The following AIFM2 variants were observed in gnomAD, a reference collection of about 807,000 sequenced individuals.
AIFM2 encodes the protein ferroptosis suppressor protein 1.
A neutral mutation model predicts 35.7 loss-of-function variants in AIFM2; 38 were observed. That is an observed-to-expected ratio of 1.06 (90% confidence interval 0.82 to 1.39). The LOEUF (loss-of-function observed/expected upper bound fraction) is 1.39. Among genes scored for constraint, AIFM2 ranks in the 40% most tolerant of loss-of-function variants. The probability of loss-of-function intolerance (pLI) is 0.00; values close to 1 mark genes in which losing one functional copy is unlikely to be tolerated. For synonymous variants in AIFM2, 185 were observed against 203.5 expected (o/e 0.91, Z 0.77); for missense variants, 476 against 491.2 (o/e 0.97, Z 0.29).
intron 3 of AIFM2, 141 bp downstream of exon 3, chr10:70,123,264 C>T: frequency 1.6e-6 from 1 of 636,482 alleles, no homozygotes; most frequent in Non-Finnish European, 2.6e-6. Flanking sequence ...GGTGATCCGC[C>T]CGCCTTGGCC....
At position 70,132,749 on chromosome 10, in the gene AIFM2, G is replaced by C. The variant is rs2072640847; in HGVS notation, c.-29C>G. ...GCGATCTCACCTGTCGGCCGCGCCCGCGCGCTCTCGCTCCGGCTCCCGCTC... is the reference window on the plus strand; with the variant it reads ...GCGATCTCACCTGTCGGCCGCGCCCCCGCGCTCTCGCTCCGGCTCCCGCTC... On this transcript the variant is annotated 5_prime_UTR_variant, in exon 1 of 9. Coordinates refer to ENST00000307864, the MANE Select transcript of AIFM2 (RefSeq NM_032797.6). The C allele has an allele frequency of 6.7e-6, 1 of 148,752 alleles. No homozygotes were observed. Among genetic ancestry groups the C allele is most frequent in the South Asian group, 1.8e-4 (1 of 5,474 alleles). 9.2% of individuals were successfully genotyped at this position (148,752 alleles called of 1,614,324 possible).
rs372676967 is a variant in AIFM2 at position 70,124,059 on chromosome 10, G to A, written c.26C>T (p.Ser9Leu). The change falls in exon 2 of 9, where the codon TCG becomes TTG. Residue 9 changes from serine (S) to leucine (L), a missense_variant. Coordinates refer to ENST00000307864, the MANE Select transcript of AIFM2 (RefSeq NM_032797.6). ...CACAATCACCACGTGCAGAGCTCCC[G>A]ATTCCACCGAGACCTGGGACCCCAT... MGSQVSVESGALHVVIVGG... is the reference protein window; with the variant it reads MGSQVSVELGALHVVIVGG... 1.9e-5 allele frequency: 30 copies of A among 1,580,962 alleles called. No homozygotes were observed. Among genetic ancestry groups the A allele is most frequent in the African/African-American group, 6.8e-5 (5 of 73,708 alleles).
intron 7 of AIFM2, 123 bp downstream of exon 7, chr10:70,116,499 G>A (rs2136652807): frequency 7.9e-7 from 1 of 1,268,354 alleles, no homozygotes; most frequent in Non-Finnish European, 1.1e-6. Flanking sequence ...TAAAGTCTGA[G>A]CTGTTGGGAA....
In AIFM2 at chr10:70,123,951, G is replaced by A; in HGVS notation, c.134C>T (p.Ser45Phe). The A allele has an allele frequency of 6.2e-7, 1 of 1,609,610 alleles. No individual in the cohort carries two copies. The highest frequency in any genetic ancestry group is 8.5e-7 in the Non-Finnish European group (1 of 1,177,140). ...VPFMLVDMKD[S>F]FHHNVAALRA... is the part of the protein sequence containing the mutation. ...GAGAGCAGCCACATTGTGGTGGAAG[G>A]AGTCCTTCATGTCCACCAGCATGAA... is the stretch of plus-strand genomic sequence containing the variant. The change falls in exon 2 of 9, where the codon TCC (serine) becomes TTC (phenylalanine). Residue 45 changes from serine (S) to phenylalanine (F), a missense_variant. Coordinates refer to ENST00000307864, the MANE Select transcript of AIFM2 (RefSeq NM_032797.6).
chr10:70,116,837 A>C (rs2072442346), intron 6 of AIFM2, 63 bp from the exon 7 acceptor site: 1 of 1,595,098 alleles, frequency 6.3e-7, no homozygotes, highest in African/African-American at 1.3e-5. Context: ...CCTGGACCCC[A>C]GGCCAAGGCT....
At chr10:70,122,091 T>C (rs2072515674) in intron 3 of AIFM2, among the ~76,000 whole-genome samples, 1 of 151,916 alleles carries the variant, frequency 6.6e-6, no homozygotes, top group South Asian at 2.1e-4. Flanking sequence ...AAACTCCATC[T>C]CAAAAACAAT....
chr10:70,116,143 A>C (rs2072432935), intron 7 of AIFM2, among the ~76,000 whole-genome samples: 1 of 152,112 alleles, frequency 6.6e-6, no homozygotes, highest in South Asian at 2.1e-4. Flanking sequence ...CACCTCTGCC[A>C]CCTCCAGCCA....
chr10:70,116,214 G>A (rs1222610999), intron 7 of AIFM2, among the ~76,000 whole-genome samples: 2 of 152,198 alleles, frequency 1.3e-5, no homozygotes, highest in Non-Finnish European at 2.9e-5. Context: ...CCACTCCCCA[G>A]TCAATCCAAG....
At chr10:70,120,072 C>A (rs1325181568) in intron 5 of AIFM2, among the ~76,000 whole-genome samples, 3 of 152,250 alleles carry the variant, frequency 2.0e-5, no homozygotes, top group Non-Finnish European at 4.4e-5. Flanking sequence ...CAGGCAGAGA[C>A]CAAAGCAACA....
At chr10:70,120,718 C>T in intron 4 of AIFM2, 119 bp from the exon 5 acceptor site, 2 of 1,143,766 alleles carry the variant, frequency 1.7e-6, no homozygotes, top group South Asian at 1.3e-5. Context: ...GAACCCTTTC[C>T]ACATTTTGAG....
intron 4 of AIFM2, among the ~76,000 whole-genome samples, chr10:70,120,847 C>A (rs2072493713): frequency 6.6e-6 from 1 of 152,108 alleles, no homozygotes; most frequent in South Asian, 2.1e-4. Context: ...GTGAAAAGCC[C>A]CAGGAGAGGA....
At chr10:70,114,383 C>T in intron 8 of AIFM2, 54 bp from the exon 9 acceptor site, 3 of 1,607,426 alleles carry the variant, frequency 1.9e-6, no homozygotes, top group East Asian at 2.2e-5. Flanking sequence ...CCTGGGGCTG[C>T]ACCTCCCAGA....
chr10:70,120,069 A>C (rs1439943294), intron 5 of AIFM2, among the ~76,000 whole-genome samples: 2 of 152,280 alleles, frequency 1.3e-5, no homozygotes, highest in African/African-American at 4.8e-5. Context: ...TATCAGGCAG[A>C]GACCAAAGCA....
Position 70,121,222 on chromosome 10 carries a change from C to CAA in AIFM2, c.295-12_295-11insTT. ...AGAGAAGGGCAGGGCCTGAGAGAAACCAAAAAAAAAAAAAAAAAAAAAAAA... is the reference window on the plus strand; with the variant it reads ...AGAGAAGGGCAGGGCCTGAGAGAAACAACAAAAAAAAAAAAAAAAAAAAAAAA... On this transcript the variant is annotated splice_polypyrimidine_tract_variant and intron_variant, in intron 3 of 8. Coordinates refer to ENST00000307864, the MANE Select transcript of AIFM2 (RefSeq NM_032797.6). 5.6e-6 allele frequency: 1 copy of CAA among 177,136 alleles called. No individual in the cohort carries two copies. The highest frequency in any genetic ancestry group is 7.0e-6 in the Non-Finnish European group (1 of 142,742). 11.0% of individuals were successfully genotyped at this position (177,136 alleles called of 1,614,324 possible).
rs896735956 is a variant in AIFM2 at position 70,131,642 on chromosome 10, C to G, written c.-14+1092G>C. On this transcript the variant is annotated intron_variant, in intron 1 of 8. Transcript: ENST00000307864. This position sits in a 1 kb window ranked among gnomAD's most constrained non-coding sequence, Gnocchi z 4.1. ...GGTCTGCCCACCACCTGTACCTGGA[C>G]GCTGGCTTCATTTGGCCACCAGACA... Among the ~76,000 whole-genome samples the G allele has an allele frequency of 2.0e-5, 3 of 152,188 alleles. No homozygotes were observed. The highest frequency in any genetic ancestry group is 6.5e-5 in the Admixed American group (1 of 15,286).
intron 7 of AIFM2, among the ~76,000 whole-genome samples, chr10:70,115,670 G>A (rs977560468): frequency 6.1e-4 from 93 of 152,166 alleles, no homozygotes; most frequent in East Asian, 3.9e-4. Flanking sequence ...GGAGGCTGAG[G>A]CACAAGAGTC....
chr10:70,126,320 C>T (rs111940662), intron 1 of AIFM2, among the ~76,000 whole-genome samples: 2,705 of 152,278 alleles, frequency 0.018, 47 homozygotes, highest in African/African-American at 0.051. Context: ...AGAAAGCAGC[C>T]CCAGAGGCTC....
At chr10:70,129,336 T>G (rs2072602815) in intron 1 of AIFM2, among the ~76,000 whole-genome samples, 2 of 151,954 alleles carry the variant, frequency 1.3e-5, no homozygotes, top group African/African-American at 4.8e-5. Context: ...AGAGTAGCAA[T>G]GAATACACAG....
chr10:70,115,190 A>G, intron 7 of AIFM2, 70 bp from the exon 8 acceptor site: 1 of 1,528,568 alleles, frequency 6.5e-7, no homozygotes, highest in Non-Finnish European at 8.9e-7. Flanking sequence ...GGAGGAGGAG[A>G]GGGCGAGCTC....
Sources: allele counts gnomAD v4.1 joint callset (sites outside exome capture counted in the v4.1 genomes callset), GRCh38; gene constraint gnomAD v4.1.1; non-coding constraint Gnocchi (gnomAD v3.1); transcripts MANE v1.5; gene names NCBI Gene and HGNC (gene_info 2026-07-23, HGNC 2026-07-21).